Variants in TMC1 observed in about 807,000 individuals in gnomAD.
The protein encoded by TMC1 is transmembrane channel-like protein 1.
Under a neutral mutation model 105.8 loss-of-function variants are expected in TMC1, and 84 were observed. The ratio of observed to expected loss-of-function variants is 0.79; its 90% CI spans 0.67 to 0.95. The LOEUF (loss-of-function observed/expected upper bound fraction) is 0.95, where lower values mean the gene tolerates loss of function less well. Ranked by LOEUF, TMC1 falls within the 40% of genes least tolerant of loss-of-function variation. The probability of loss-of-function intolerance (pLI) is 0.00; values close to 1 mark genes in which losing one functional copy is unlikely to be tolerated. For missense variants in TMC1, 817 were observed against 914.1 expected, an observed-to-expected ratio of 0.89 and a Z score of 1.37; for synonymous variants, 315 against 311.5, an observed-to-expected ratio of 1.01 and a Z score of -0.12.
intron 12 of TMC1, among the ~76,000 whole-genome samples, chr9:72,771,825 C>A (rs144076634): frequency 6.6e-6 from 1 of 152,102 alleles, no homozygotes; most frequent in Non-Finnish European, 1.5e-5. Flanking sequence ...TTTTTAGGAA[C>A]GAGAATCTAA....
intron 5 of TMC1, among the ~76,000 whole-genome samples, chr9:72,670,426 T>G (rs775413982): frequency 2.0e-5 from 3 of 152,096 alleles, no homozygotes; most frequent in Non-Finnish European, 4.4e-5. Context: ...AACTTAAATA[T>G]ATACCAGAAC....
intron 10 of TMC1, among the ~76,000 whole-genome samples, chr9:72,745,013 A>T (rs2118033808): frequency 6.6e-6 from 1 of 152,330 alleles, no homozygotes. Context: ...ACGCTGGAAA[A>T]TTGAGGCAAA....
intron 2 of TMC1, among the ~76,000 whole-genome samples, chr9:72,609,271 G>T (rs780540419): frequency 1.2e-4 from 18 of 150,710 alleles, no homozygotes; most frequent in Non-Finnish European, 1.9e-4. Context: ...GGGTGTGGTG[G>T]CTCATGCCTG....
chr9:72,650,883 G>T (rs71485513), intron 5 of TMC1, among the ~76,000 whole-genome samples: 13,639 of 95,856 alleles, frequency 0.14, 1,623 homozygotes, highest in African/African-American at 0.29. Context: ...TATATATATA[G>T]ATATATAGAT....
intron 4 of TMC1, among the ~76,000 whole-genome samples, chr9:72,647,213 A>G (rs1183480982): frequency 6.7e-6 from 1 of 148,370 alleles, no homozygotes; most frequent in Non-Finnish European, 1.5e-5. Context: ...CTTTTTTTTT[A>G]GTTTTCTTTG....
intron 12 of TMC1, among the ~76,000 whole-genome samples, chr9:72,759,935 T>C (rs1827730389): frequency 6.6e-6 from 1 of 152,204 alleles, no homozygotes; most frequent in Non-Finnish European, 1.5e-5. Flanking sequence ...ACTGACTCTG[T>C]TTCATGATAT....
Position 72,694,643 on chromosome 9 carries a change from A to G in TMC1, c.165A>G (p.Glu55=). The change falls in exon 7 of 24, where the codon GAA becomes GAG. Residue 55 remains glutamate (E), a synonymous_variant. Transcript: ENST00000297784. ...TRDVINEDDP[E]PEPEDEETRK... ...ATGTTATCAATGAGGATGACCCAGA[A>G]CCTGAACCAGAGGATGAAGAAACAA... The G allele has an allele frequency of 1.2e-6, 2 of 1,613,020 alleles. No homozygotes were observed. Among genetic ancestry groups the G allele is most frequent in the Non-Finnish European group, 1.7e-6 (2 of 1,179,480 alleles).
chr9:72,528,150 A>AT (rs1383071290), intron 1 of TMC1, among the ~76,000 whole-genome samples: 1 of 152,148 alleles, frequency 6.6e-6, no homozygotes, highest in African/African-American at 2.4e-5. Flanking sequence ...TACTGTTCTT[A>AT]TAAAAAAAAG....
At chr9:72,565,067 A>T (rs1048119297) in intron 1 of TMC1, among the ~76,000 whole-genome samples, 2 of 152,226 alleles carry the variant, frequency 1.3e-5, no homozygotes, top group Non-Finnish European at 2.9e-5. Context: ...AAGACTTAGG[A>T]AAAAGAAGTG....
chr9:72,789,038 A>C (rs2118180299), intron 14 of TMC1, 85 bp from the exon 15 acceptor site: 3 of 1,313,938 alleles, frequency 2.3e-6, no homozygotes, highest in South Asian at 1.2e-5. Flanking sequence ...TGTAAAAATA[A>C]CTTTTGAGGT....
At chr9:72,617,503 A>G (rs1825154341) in intron 3 of TMC1, among the ~76,000 whole-genome samples, 1 of 152,134 alleles carries the variant, frequency 6.6e-6, no homozygotes, top group Non-Finnish European at 1.5e-5. Context: ...TCTGACCATC[A>G]CATGATGGCA....
chr9:72,557,750 A>G (rs144841567), intron 1 of TMC1, among the ~76,000 whole-genome samples: 80 of 152,302 alleles, frequency 5.3e-4, no homozygotes, highest in Admixed American at 1.5e-3. Flanking sequence ...GCAAACATTC[A>G]AGATTTTCAC....
intron 1 of TMC1, among the ~76,000 whole-genome samples, chr9:72,546,915 AC>A (rs1823777934): frequency 6.6e-6 from 1 of 152,208 alleles, no homozygotes; most frequent in Non-Finnish European, 1.5e-5. Context: ...CAAAATGAAT[AC>A]TTTGTTGTGT....
chr9:72,813,243 A>G (rs1335742593), intron 18 of TMC1, among the ~76,000 whole-genome samples: 2 of 152,034 alleles, frequency 1.3e-5, no homozygotes, highest in African/African-American at 4.8e-5. Flanking sequence ...TATATTTATT[A>G]AAGTATTGCT....
intron 2 of TMC1, among the ~76,000 whole-genome samples, chr9:72,583,011 A>G (rs1824498081): frequency 1.3e-5 from 2 of 152,294 alleles, no homozygotes; most frequent in South Asian, 4.1e-4. Context: ...ACTTGAGGTC[A>G]GGAGTTTGAG....
At chr9:72,781,178 A>G (rs1828088918) in intron 13 of TMC1, among the ~76,000 whole-genome samples, 1 of 152,178 alleles carries the variant, frequency 6.6e-6, no homozygotes, top group Non-Finnish European at 1.5e-5. Context: ...TAAAAATCAC[A>G]TGATTACATG....
intron 12 of TMC1, among the ~76,000 whole-genome samples, 167 bp downstream of exon 12, chr9:72,755,051 A>AGG (rs1554725157): frequency 1.5e-5 from 2 of 130,164 alleles, no homozygotes; most frequent in East Asian, 2.7e-4. Flanking sequence ...AGAGAGAGAG[A>AGG]GAGGGAGGGA....
chr9:72,745,466 T>A (rs1281441665), intron 10 of TMC1, among the ~76,000 whole-genome samples: 1 of 152,198 alleles, frequency 6.6e-6, no homozygotes, highest in Non-Finnish European at 1.5e-5. Context: ...AGTTATAGAT[T>A]TTCTTGATCG....
At chr9:72,638,364 C>A (rs1041093017) in intron 4 of TMC1, among the ~76,000 whole-genome samples, 4 of 152,138 alleles carry the variant, frequency 2.6e-5, no homozygotes, top group Admixed American at 1.3e-4. Flanking sequence ...TTGGCTTTCT[C>A]CTCTAACTGC....
Sources: allele counts gnomAD v4.1 joint callset (sites outside exome capture counted in the v4.1 genomes callset), GRCh38; gene constraint gnomAD v4.1.1; transcripts MANE v1.5; gene names NCBI Gene and HGNC (gene_info 2026-07-23, HGNC 2026-07-21).